Variants in PCED1B observed in about 807,000 individuals in gnomAD.
The protein encoded by PCED1B is PC-esterase domain containing 1B, also known as PC-esterase domain-containing protein 1B.
For missense variants in PCED1B, 573 were observed against 573.9 expected, an observed-to-expected ratio of 1.00 and a Z score of 0.02; for synonymous variants, 251 against 246.1, an observed-to-expected ratio of 1.02 and a Z score of -0.19.
chr12:47,092,354 T>C (rs1445200441), intron 1 of PCED1B, among the ~76,000 whole-genome samples: 1 of 152,066 alleles, frequency 6.6e-6, no homozygotes, highest in Non-Finnish European at 1.5e-5. Context: ...ATGCAACTAG[T>C]TTTTATATGT....
intron 1 of PCED1B, among the ~76,000 whole-genome samples, chr12:47,086,624 C>T (rs1240779915): frequency 6.6e-6 from 1 of 152,156 alleles, no homozygotes; most frequent in Non-Finnish European, 1.5e-5. Context: ...TTAAAAAACT[C>T]AGTGTGTCAA....
chr12:47,135,537 C>A, intron 2 of PCED1B: 1 of 513,088 alleles, frequency 1.9e-6, no homozygotes, highest in South Asian at 1.5e-5. Flanking sequence ...GCAGAATGGT[C>A]AGGAGGATGC....
Position 47,235,083 on chromosome 12 carries a change from C to G in PCED1B, c.20C>G (p.Ser7Cys), listed in dbSNP as rs751172437. Residue 7 changes from serine (S) to cysteine (C), a missense_variant, in exon 4 of 4, where the codon TCC (serine) becomes TGC (cysteine). Coordinates refer to ENST00000546455, the MANE Select transcript of PCED1B (RefSeq NM_138371.3). ...GGCGTCATGATCCTTCTGCGGGCCT[C>G]CGAAGTGCGGCAGCTGCTTCACAAT... The part of the protein sequence containing the change: MILLRA[S>C]EVRQLLHNKF... 6.5e-7 allele frequency: 1 copy of G among 1,528,468 alleles called. No homozygotes were observed. The highest frequency in any genetic ancestry group is 2.3e-5 in the East Asian group (1 of 44,194). 94.7% of individuals were successfully genotyped at this position (1,528,468 alleles called of 1,614,324 possible).
intron 1 of PCED1B, among the ~76,000 whole-genome samples, chr12:47,082,263 C>G (rs1221854561): frequency 2.0e-5 from 3 of 152,112 alleles, no homozygotes; most frequent in Non-Finnish European, 4.4e-5. Context: ...TTAACACATT[C>G]AATAAATTTT....
At chr12:47,135,354 A>G (rs1940309664) in intron 2 of PCED1B, 1 of 162,434 alleles carries the variant, frequency 6.2e-6, no homozygotes, top group African/African-American at 2.4e-5. Flanking sequence ...ATTGAATGAC[A>G]TTGTAGAAAA....
intron 2 of PCED1B, among the ~76,000 whole-genome samples, chr12:47,211,605 G>A (rs187839824): frequency 3.1e-4 from 41 of 132,626 alleles, no homozygotes; most frequent in African/African-American, 1.1e-3. Flanking sequence ...AATGAGCCAA[G>A]ATCGCACCAC....
At chr12:47,151,216 G>A (rs1940982036) in intron 2 of PCED1B, among the ~76,000 whole-genome samples, 1 of 151,892 alleles carries the variant, frequency 6.6e-6, no homozygotes, top group Non-Finnish European at 1.5e-5. Flanking sequence ...ATGATGGACT[G>A]TATATACAAC....
intron 2 of PCED1B, among the ~76,000 whole-genome samples, chr12:47,133,088 A>G (rs1219447636): frequency 6.6e-6 from 1 of 152,258 alleles, no homozygotes; most frequent in Non-Finnish European, 1.5e-5. Flanking sequence ...CTTTACATGT[A>G]GTTCCATAAA....
intron 2 of PCED1B, among the ~76,000 whole-genome samples, chr12:47,181,508 T>C (rs1830054): frequency 0.59 from 89,302 of 151,350 alleles, 27,308 homozygotes; most frequent in South Asian, 0.71. Context: ...GGATTACAAG[T>C]GTGCACCACC....
intron 2 of PCED1B, among the ~76,000 whole-genome samples, chr12:47,182,350 T>C (rs1250864683): frequency 2.6e-5 from 4 of 152,034 alleles, no homozygotes; most frequent in Non-Finnish European, 5.9e-5. Context: ...TCCCAGCACG[T>C]TGGGAGGCTG....
At chr12:47,190,391 C>T (rs1942405124) in intron 2 of PCED1B, among the ~76,000 whole-genome samples, 1 of 152,178 alleles carries the variant, frequency 6.6e-6, no homozygotes, top group Admixed American at 6.5e-5. Flanking sequence ...GGTCTCCAAC[C>T]TTTGGCACCC....
chr12:47,220,678 A>G (rs2137830401), intron 3 of PCED1B, among the ~76,000 whole-genome samples: 1 of 152,346 alleles, frequency 6.6e-6, no homozygotes, highest in South Asian at 2.1e-4. Context: ...GCCATCCAGA[A>G]CTAGCATAGA....
At chr12:47,218,145 T>G (rs1270001341) in intron 3 of PCED1B, among the ~76,000 whole-genome samples, 1 of 152,158 alleles carries the variant, frequency 6.6e-6, no homozygotes, top group Non-Finnish European at 1.5e-5. Flanking sequence ...TGCAGAGCTG[T>G]TGACTTATTT....
At chr12:47,229,828 GGC>G (rs1288475572) in intron 3 of PCED1B, among the ~76,000 whole-genome samples, 1 of 151,654 alleles carries the variant, frequency 6.6e-6, no homozygotes, top group Non-Finnish European at 1.5e-5. Context: ...GGAGTGCAGT[GGC>G]GCGATCTTGG....
At chr12:47,175,108 C>T (rs1201835663) in intron 2 of PCED1B, among the ~76,000 whole-genome samples, 2 of 152,068 alleles carry the variant, frequency 1.3e-5, no homozygotes, top group East Asian at 1.9e-4. Context: ...TATAATTCTG[C>T]ATTTTTGATA....
intron 3 of PCED1B, among the ~76,000 whole-genome samples, chr12:47,218,717 G>C (rs1943381056): frequency 6.7e-6 from 1 of 149,904 alleles, no homozygotes; most frequent in Non-Finnish European, 1.5e-5. Flanking sequence ...TATTGCCCAG[G>C]GTGGGCTTGA....
chr12:47,107,751 G>A (rs951029028), intron 2 of PCED1B, among the ~76,000 whole-genome samples: 4 of 152,148 alleles, frequency 2.6e-5, no homozygotes, highest in Admixed American at 6.5e-5. Context: ...ACCTGGGCTA[G>A]CCTCCCACCC....
rs1443195126 is a variant in PCED1B, at chr12:47,230,520, T to C, written c.-57-4487T>C. Among the ~76,000 whole-genome samples the C allele has an allele frequency of 3.9e-5, 6 of 152,024 alleles. No homozygotes were observed. In the East Asian group the frequency reaches 9.7e-4, roughly 24 times the overall value. On this transcript the variant is annotated intron_variant, in intron 3 of 3. Transcript: ENST00000546455. ...GTGCAGTGGTGCGATCTCAGCTCACTGCAACCTCCGCCTCCCAGGTTCAGG... is the reference window on the plus strand; with the variant it reads ...GTGCAGTGGTGCGATCTCAGCTCACCGCAACCTCCGCCTCCCAGGTTCAGG...
At chr12:47,232,805 C>T (rs1436824937) in intron 3 of PCED1B, among the ~76,000 whole-genome samples, 1 of 151,786 alleles carries the variant, frequency 6.6e-6, no homozygotes, top group East Asian at 1.9e-4. Context: ...TACTTGGGGG[C>T]GTATAGATTA....
Sources: gnomAD v4.1 joint callset for allele counts (sites outside exome capture counted in the v4.1 genomes callset) on GRCh38, gnomAD v4.1.1 for gene constraint, MANE v1.5 for transcripts, NCBI Gene and HGNC (gene_info 2026-07-23, HGNC 2026-07-21) for gene names.